The following SBSN variants were observed in gnomAD, a reference collection of about 807,000 sequenced individuals.
SBSN encodes HLAR698.
SBSN carries 33 observed loss-of-function variants against 42.8 expected under a neutral mutation model. The ratio of observed to expected loss-of-function variants is 0.77; its 90% confidence interval spans 0.58 to 1.03. SBSN has a LOEUF of 1.03. SBSN is among the 50% of genes least tolerant of loss of function. SBSN has a pLI of 0.00. For synonymous variants in SBSN, 276 were observed against 307.0 expected, an observed-to-expected ratio of 0.90 and a Z score of 1.06; for missense variants, 646 against 757.3, an observed-to-expected ratio of 0.85 and a Z score of 1.72.
chr19:35,526,880 G>C lies in SBSN; in HGVS notation c.1402C>G (p.Gln468Glu). The change falls in exon 1 of 4, where the codon CAG becomes GAG. Residue 468 changes from glutamine to glutamate, a missense_variant. Gln to Glu is a conservative substitution (Grantham distance 29, BLOSUM62 2). Coordinates refer to ENST00000452271, the MANE Select transcript of SBSN (RefSeq NM_001166034.2). ...FGQGVHHTLE[Q>E]AGKEADKAVQ... ...GCTTTGTCTGCTTCCTTCCCGGCCT[G>C]TTCAAGGGTATGGTGAACTCCCTGG... 6.2e-7 allele frequency: 1 copy of C among 1,613,488 alleles called. No individual in the cohort carries two copies. The highest frequency in any genetic ancestry group is 8.5e-7 in the Non-Finnish European group (1 of 1,179,796).
rs1568676285 is a variant in SBSN, at chr19:35,528,143, C to T, written c.139G>A (p.Val47Met). ...NRGLSNAERE[V>M]GKALDGINSG... ...TTGATGCCATCCAGGGCCTTGCCCA[C>T]CTCTCTCTCTGCATTGCTCAGCCCT... is the stretch of plus-strand genomic sequence containing the variant. Residue 47 changes from valine (V) to methionine (M), a missense_variant, in exon 1 of 4, where the codon GTG becomes ATG. By Grantham distance (21) the Val-to-Met change is conservative (BLOSUM62 1). This residue lies in a region of SBSN where 190 missense variants were observed against 197.1 expected (regional missense o/e 0.96). Coordinates refer to ENST00000452271, the MANE Select transcript of SBSN (RefSeq NM_001166034.2). The T allele has an allele frequency of 3.1e-6, 5 of 1,614,060 alleles. No homozygotes were observed. In the Admixed American group the frequency reaches 6.7e-5, roughly 22 times the overall value.
At chr19:35,524,506 G>A (rs900782269) in intron 3 of SBSN, among the ~76,000 whole-genome samples, 53 of 152,010 alleles carry the variant, frequency 3.5e-4, no homozygotes, top group African/African-American at 1.2e-3. Flanking sequence ...GAAATGAAAG[G>A]CACCCAAAAG....
rs1226502460 is a variant in SBSN at position 35,526,629 on chromosome 19, T to A, written c.1638+15A>T. 5.6e-6 allele frequency: 2 copies of A among 356,894 alleles called. No homozygotes were observed. The allele number at this position is 356,894 out of a possible 1,614,324, so 22.1% of individuals were successfully genotyped here. A position where few individuals can be genotyped will look rare whatever the true frequency, so the allele number is the denominator to read the frequency against. ...AACCCCCCTGTCCCCCATCTCCCCA[T>A]CCCTGTTCACCTACATTCAGCAGCT... On this transcript the variant is annotated intron_variant, in intron 1 of 3. Transcript: ENST00000452271.
chr19:35,526,860 G>T lies in SBSN; in HGVS notation c.1422C>A (p.Asp474Glu). ...HTLEQAGKEA[D>E]KAVQGFHTGV... Reference sequence around the variant, plus strand: ...CAGTGTGGAACCCTTGGACCGCTTTGTCTGCTTCCTTCCCGGCCTGTTCAA... The same window carrying T: ...CAGTGTGGAACCCTTGGACCGCTTTTTCTGCTTCCTTCCCGGCCTGTTCAA... Residue 474 changes from aspartate to glutamate, a missense_variant, in exon 1 of 4, where the codon GAC (aspartate) becomes GAA (glutamate). Around this residue, in one of 3 missense-constraint regions of SBSN, gnomAD observed 236 missense variants for 225.6 expected, o/e 1.05. Transcript: ENST00000452271. 6.2e-7 allele frequency: 1 copy of T among 1,612,500 alleles called. No homozygotes were observed. Among genetic ancestry groups the T allele is most frequent in the Non-Finnish European group, 8.5e-7 (1 of 1,179,604 alleles).
Position 35,526,916 on chromosome 19 carries a change from C to T in SBSN, c.1366G>A (p.Gly456Arg). The change falls in exon 1 of 4, where the codon GGG becomes AGG. Residue 456 changes from glycine (G) to arginine (R), a missense_variant. Around this residue, in one of 3 missense-constraint regions of SBSN, gnomAD observed 236 missense variants for 225.6 expected, o/e 1.05. Coordinates refer to ENST00000452271, the MANE Select transcript of SBSN (RefSeq NM_001166034.2). The stretch of plus-strand genomic sequence containing the variant: ...TGGTGAACTCCCTGGCCAAACTGCC[C>T]TGCCTCCTTCCCGGCCTCGTGGACC... ...PGVHEAGKEA[G>R]QFGQGVHHTL... 1.2e-6 allele frequency: 2 copies of T among 1,606,636 alleles called. No homozygotes were observed. Among genetic ancestry groups the T allele is most frequent in the South Asian group, 1.1e-5 (1 of 89,984 alleles).
Position 35,528,059 on chromosome 19 carries a change from T to C in SBSN, c.223A>G (p.Met75Val), listed in dbSNP as rs2146286951. The C allele has an allele frequency of 6.2e-7, 1 of 1,613,950 alleles. No homozygotes were observed. The highest frequency in any genetic ancestry group is 8.5e-7 in the Non-Finnish European group (1 of 1,180,032). The stretch of plus-strand genomic sequence containing the variant: ...AACTCCTTGCCGGTGTGGCTCCCCA[T>C]GTTGCTAAGTCCGTTGAAAACCTTC... ...VEKVFNGLSN[M>V]GSHTGKELDK... The change falls in exon 1 of 4, where the codon ATG (methionine) becomes GTG (valine). Residue 75 changes from methionine (M) to valine (V), a missense_variant. Around this residue, in one of 3 missense-constraint regions of SBSN, gnomAD observed 190 missense variants for 197.1 expected, o/e 0.96. Coordinates refer to ENST00000452271, the MANE Select transcript of SBSN (RefSeq NM_001166034.2).
At position 35,527,596 on chromosome 19, in the gene SBSN, T is replaced by G; in HGVS notation, c.686A>C (p.His229Pro). 6.5e-7 allele frequency: 1 copy of G among 1,530,314 alleles called. No individual in the cohort carries two copies. The highest frequency in any genetic ancestry group is 8.7e-7 in the Non-Finnish European group (1 of 1,146,832). The allele number at this position is 1,530,314 out of a possible 1,614,324, so 94.8% of individuals were successfully genotyped here. ...KETEKFGQGI[H>P]HAAGQVGKEA... The stretch of plus-strand genomic sequence containing the variant: ...CTTCCCAACCTGACCGGCAGCATGG[T>G]GGATCCCCTGGCCAAACTTCTCTGT... Residue 229 changes from histidine (H) to proline (P), a missense_variant, in exon 1 of 4, where the codon CAC (histidine) becomes CCC (proline). Coordinates refer to ENST00000452271, the MANE Select transcript of SBSN (RefSeq NM_001166034.2).
At position 35,527,119 on chromosome 19, in the gene SBSN, T is replaced by A; in HGVS notation, c.1163A>T (p.Gln388Leu). 1 of 1,536,900 alleles carries A rather than the reference T, an allele frequency of 6.5e-7. No homozygotes were observed. Among genetic ancestry groups the A allele is most frequent in the Non-Finnish European group, 8.7e-7 (1 of 1,146,806 alleles). ...EAWKEAEKFGQGVHHAASQVG... is the reference protein window; with the variant it reads ...EAWKEAEKFGLGVHHAASQVG... ...CTGCGAGGCAGCATGGTGGACACCCTGGCCAAACTTCTCTGCTTCCTTCCA... is the reference window on the plus strand; with the variant it reads ...CTGCGAGGCAGCATGGTGGACACCCAGGCCAAACTTCTCTGCTTCCTTCCA... The change falls in exon 1 of 4, where the codon CAG (glutamine) becomes CTG (leucine). Residue 388 changes from glutamine (Q) to leucine (L), a missense_variant. Around this residue, in one of 3 missense-constraint regions of SBSN, gnomAD observed 220 missense variants for 334.5 expected, o/e 0.66. Coordinates refer to ENST00000452271, the MANE Select transcript of SBSN (RefSeq NM_001166034.2).
rs1018875915 is a variant in SBSN, at chr19:35,527,530, C to T, written c.752G>A (p.Gly251Glu). 22 of 1,526,238 alleles carry T rather than the reference C, an allele frequency of 1.4e-5. No individual in the cohort carries two copies. The African/African-American group carries it at 2.4e-4, about 17-fold the overall frequency. 94.5% of individuals were successfully genotyped at this position (1,526,238 alleles called of 1,614,324 possible). Reference sequence around the variant, plus strand: ...TCTCCCTGCCTCATTTCCGGCCTGCCCCGCAGCATGGTGGGCCCCCTGGCC... The same window carrying T: ...TCTCCCTGCCTCATTTCCGGCCTGCTCCGCAGCATGGTGGGCCCCCTGGCC... ...KFGQGAHHAA[G>E]QAGNEAGRFG... Residue 251 changes from glycine (G) to glutamate (E), a missense_variant, in exon 1 of 4, where the codon GGG becomes GAG. Gly to Glu is a moderately conservative substitution (Grantham distance 98). Around this residue, in one of 3 missense-constraint regions of SBSN, gnomAD observed 220 missense variants for 334.5 expected, o/e 0.66. Transcript: ENST00000452271.
chr19:35,523,792 C>G (rs1159372379), intron 3 of SBSN, among the ~76,000 whole-genome samples: 1 of 152,202 alleles, frequency 6.6e-6, no homozygotes, highest in Non-Finnish European at 1.5e-5. Flanking sequence ...TCTGCCGCCC[C>G]CATAGCCTGG....
At chr19:35,526,235 A>G (rs946758390) in intron 1 of SBSN, among the ~76,000 whole-genome samples, 16 of 152,122 alleles carry the variant, frequency 1.1e-4, no homozygotes, top group African/African-American at 3.9e-4. Context: ...TCCGAAAGCT[A>G]TTCCTCATGC....
chr19:35,527,324 G>A lies in SBSN; in HGVS notation c.958C>T (p.His320Tyr). 2.0e-6 allele frequency: 3 copies of A among 1,532,704 alleles called. No individual in the cohort carries two copies. The highest frequency in any genetic ancestry group is 2.6e-6 in the Non-Finnish European group (3 of 1,146,130). The allele number at this position is 1,532,704 out of a possible 1,614,324, so 94.9% of individuals were successfully genotyped here. A position where few individuals can be genotyped will look rare whatever the true frequency, so the allele number is the denominator to read the frequency against. ...TCATTTCCGGCCTGCCCCGCAGCATGGTGGGCCCCCTGGCCAAATCTCCCT... is the reference window on the plus strand; with the variant it reads ...TCATTTCCGGCCTGCCCCGCAGCATAGTGGGCCCCCTGGCCAAATCTCCCT... ...EAGRFGQGAH[H>Y]AAGQAGNEAG... Residue 320 changes from histidine to tyrosine, a missense_variant, in exon 1 of 4, where the codon CAT becomes TAT. Coordinates refer to ENST00000452271, the MANE Select transcript of SBSN (RefSeq NM_001166034.2).
intron 1 of SBSN, among the ~76,000 whole-genome samples, chr19:35,525,630 G>A (rs1225894121): frequency 6.6e-6 from 1 of 152,084 alleles, no homozygotes; most frequent in Non-Finnish European, 1.5e-5. Flanking sequence ...CTGTTCTGTT[G>A]TGAGTGGTGC....
In SBSN at chr19:35,524,654, G is replaced by A. The variant is rs148614354; in HGVS notation, c.1749+57C>T. 7.5e-4 allele frequency: 1,197 copies of A among 1,585,644 alleles called. 5 individuals carry two copies. The African/African-American group carries it at 0.014, about 18-fold the overall frequency. ...TCCAAACAGACACCGGGAAGGGGTC[G>A]GGGTGAGCGTATCTATCAGGACGCA... On this transcript the variant is annotated intron_variant, in intron 3 of 3. Transcript: ENST00000452271.
chr19:35,525,361 C>T (rs1009410217), intron 1 of SBSN, among the ~76,000 whole-genome samples: 11 of 152,152 alleles, frequency 7.2e-5, no homozygotes, highest in African/African-American at 1.7e-4. Flanking sequence ...CCCCCAACCC[C>T]GGCTGCTGTT....
At chr19:35,524,801 A>G in intron 2 of SBSN, 46 bp from the exon 3 acceptor site, 1 of 1,613,708 alleles carries the variant, frequency 6.2e-7, no homozygotes, top group Non-Finnish European at 8.5e-7. Flanking sequence ...TCTGACCCAC[A>G]GCCATGCTAG....
At position 35,524,849 on chromosome 19, in the gene SBSN, C is replaced by T. The variant is rs770392143; in HGVS notation, c.1704+10G>A. On this transcript the variant is annotated intron_variant, in intron 2 of 3. Transcript: ENST00000452271. ...GGCCTCCTCTCCCCTACCCCAGAGT[C>T]CGCGCTTACCCCAGAGGCTAACGGC... is the stretch of plus-strand genomic sequence containing the variant. 1 of 1,614,084 alleles carries T rather than the reference C, an allele frequency of 6.2e-7. No homozygotes were observed. Among genetic ancestry groups the T allele is most frequent in the Non-Finnish European group, 8.5e-7 (1 of 1,179,974 alleles).
Position 35,526,717 on chromosome 19 carries a change from T to A in SBSN, c.1565A>T (p.Gln522Leu), listed in dbSNP as rs757637261. 6.2e-7 allele frequency: 1 copy of A among 1,612,448 alleles called. No individual in the cohort carries two copies. Among genetic ancestry groups the A allele is most frequent in the East Asian group, 2.2e-5 (1 of 44,742 alleles). Residue 522 changes from glutamine to leucine, a missense_variant, in exon 1 of 4, where the codon CAG becomes CTG. Gln to Leu is a moderately radical substitution (Grantham distance 113). Transcript: ENST00000452271. Reference protein sequence around the residue: ...LGQGAHHAAGQAGKELQNAHN... With the variant: ...LGQGAHHAAGLAGKELQNAHN... ...AGCATTCTGCAGCTCCTTCCCGGCC[T>A]GGCCAGCAGCATGGTGGGCACCTTG...
chr19:35,524,661 G>T, intron 3 of SBSN, 50 bp downstream of exon 3: 2 of 1,599,472 alleles, frequency 1.3e-6, no homozygotes, highest in Non-Finnish European at 8.6e-7. Flanking sequence ...GTCGGGGTGA[G>T]CGTATCTATC....
Sources: gnomAD v4.1 joint callset for allele counts (sites outside exome capture counted in the v4.1 genomes callset) on GRCh38, gnomAD v4.1.1 for gene constraint, gnomAD v4.1.1 regional missense constraint, MANE v1.5 for transcripts, NCBI Gene and HGNC (gene_info 2026-07-23, HGNC 2026-07-21) for gene names.